PDE1A: variants seen among roughly 807,000 people sequenced by gnomAD.
PDE1A encodes phosphodiesterase 1A, also known as dual specificity calcium/calmodulin-dependent 3',5'-cyclic nucleotide phosphodiesterase 1A.
In PDE1A, 35 loss-of-function variants were observed where a neutral mutation model predicts 61.7. That is an observed-to-expected ratio of 0.57 (90% CI 0.43 to 0.75). The LOEUF is 0.75. Ranked by LOEUF, PDE1A falls within the 30% of genes least tolerant of loss-of-function variation. The pLI, the probability that PDE1A is intolerant of heterozygous loss-of-function variation, is 0.00. For synonymous variants in PDE1A, 232 were observed against 213.2 expected (o/e 1.09, Z -0.77); for missense variants, 597 against 630.6 (o/e 0.95, Z 0.57).
chr2:182,300,359 A>G (rs570169423), intron 1 of PDE1A, among the ~76,000 whole-genome samples: 1 of 152,298 alleles, frequency 6.6e-6, no homozygotes, highest in East Asian at 1.9e-4. Context: ...TGATGGAGCT[A>G]GAGTAAAACC....
At chr2:182,147,891 CAATT>C (rs1690578608) in intron 13 of PDE1A, among the ~76,000 whole-genome samples, 1 of 152,180 alleles carries the variant, frequency 6.6e-6, no homozygotes, top group Non-Finnish European at 1.5e-5. Flanking sequence ...GATATTCTAA[CAATT>C]AAACTTTGCC....
the PDE1A span, among the ~76,000 whole-genome samples, chr2:182,646,406 A>AC: frequency 6.6e-6 from 1 of 151,060 alleles, no homozygotes; most frequent in East Asian, 1.9e-4. Context: ...AAAAAAAAAA[A>AC]AAGCCATACG....
At chr2:182,495,602 A>T (rs937582926) in intron 2 of PDE1A, among the ~76,000 whole-genome samples, 1 of 152,182 alleles carries the variant, frequency 6.6e-6, no homozygotes, top group Non-Finnish European at 1.5e-5. Context: ...TAAAATATGG[A>T]CCTTTAACTT....
chr2:182,421,253 T>C (rs1703260000), intron 1 of PDE1A, among the ~76,000 whole-genome samples: 3 of 152,160 alleles, frequency 2.0e-5, no homozygotes, highest in Non-Finnish European at 1.5e-5. Flanking sequence ...TGAAAAGCCA[T>C]TTCTAAATCT....
the PDE1A span, among the ~76,000 whole-genome samples, chr2:182,530,454 A>G: frequency 6.6e-6 from 1 of 152,244 alleles, no homozygotes; most frequent in Non-Finnish European, 1.5e-5. Flanking sequence ...GGGTAAACCC[A>G]AAGAAATCCA....
chr2:182,618,085 A>T, the PDE1A span, among the ~76,000 whole-genome samples: 3 of 152,166 alleles, frequency 2.0e-5, no homozygotes. Context: ...TTAATGTTCT[A>T]ATGTCACGGA....
At chr2:182,252,517 TTCC>T (rs1197191092) in intron 2 of PDE1A, among the ~76,000 whole-genome samples, 8 of 13,426 alleles carry the variant, frequency 6.0e-4, no homozygotes, top group Non-Finnish European at 7.5e-4. Context: ...AGAGTAAAGT[TTCC>T]AGAGTAAAGT....
At chr2:182,417,500 G>C (rs1702993071) in intron 1 of PDE1A, among the ~76,000 whole-genome samples, 1 of 152,090 alleles carries the variant, frequency 6.6e-6, no homozygotes, top group Admixed American at 6.5e-5. Context: ...GAGAACTGTT[G>C]CTTTGAAGTT....
At chr2:182,641,641 C>T in the PDE1A span, among the ~76,000 whole-genome samples, 1 of 152,098 alleles carries the variant, frequency 6.6e-6, no homozygotes. Context: ...GTTCTGAGAA[C>T]GTTAGTCTTC....
rs1028160524 is a variant in PDE1A, at chr2:182,433,650, T to C, written c.101+88626A>G. ...TGGTCATACACATCAAAATGGAAGA[T>C]AGACAAATACATTATCACTATATAT... On this transcript the variant is annotated intron_variant, in intron 2 of 14. Coordinates refer to the PDE1A transcript ENST00000410103. Among the ~76,000 whole-genome samples, 5 of 152,086 alleles carry C rather than the reference T, an allele frequency of 3.3e-5. No individual in the cohort carries two copies. The East Asian group carries it at 7.7e-4, about 23-fold the overall frequency.
the PDE1A span, among the ~76,000 whole-genome samples, chr2:182,529,364 G>A: frequency 2.6e-5 from 4 of 152,090 alleles, no homozygotes; most frequent in Admixed American, 2.0e-4. Flanking sequence ...TTTTGTTTTG[G>A]CCAATTTCTC....
chr2:182,560,824 G>GCATTT, the PDE1A span, among the ~76,000 whole-genome samples: 1 of 152,128 alleles, frequency 6.6e-6, no homozygotes, highest in Non-Finnish European at 1.5e-5. Flanking sequence ...GTGATGGTGA[G>GCATTT]CATTTTTTCA....
intron 2 of PDE1A, among the ~76,000 whole-genome samples, chr2:182,478,736 G>C (rs541766116): frequency 2.0e-5 from 3 of 151,888 alleles, no homozygotes; most frequent in South Asian, 2.1e-4. Context: ...TCTTTTCTTA[G>C]TGTGTAAAAG....
chr2:182,710,744 T>C, the PDE1A span, among the ~76,000 whole-genome samples: 2 of 152,238 alleles, frequency 1.3e-5, no homozygotes, highest in Non-Finnish European at 2.9e-5. Context: ...ATTTTCTTTA[T>C]CTATTCATCT....
At chr2:182,466,639 G>C (rs772469408) in intron 2 of PDE1A, among the ~76,000 whole-genome samples, 8 of 152,000 alleles carry the variant, frequency 5.3e-5, no homozygotes, top group African/African-American at 1.7e-4. Flanking sequence ...TAGAATACTA[G>C]ACAGAGAGCT....
chr2:182,195,118 G>A (rs1642253980), intron 10 of PDE1A, among the ~76,000 whole-genome samples: 1 of 152,066 alleles, frequency 6.6e-6, no homozygotes, highest in South Asian at 2.1e-4. Context: ...CTTGATGATT[G>A]TGTTGGAAAT....
chr2:182,155,498 G>C (rs1370646984), intron 13 of PDE1A, among the ~76,000 whole-genome samples: 1 of 152,096 alleles, frequency 6.6e-6, no homozygotes, highest in African/African-American at 2.4e-5. Flanking sequence ...TATACATGTA[G>C]GATAAACATG....
intron 2 of PDE1A, among the ~76,000 whole-genome samples, chr2:182,486,292 G>C (rs915629712): frequency 1.3e-4 from 19 of 151,962 alleles, no homozygotes; most frequent in African/African-American, 4.3e-4. Flanking sequence ...ATATTACTGA[G>C]AGAAATTAAA....
At chr2:182,313,397 G>C (rs1390604424) in intron 1 of PDE1A, among the ~76,000 whole-genome samples, 1 of 152,122 alleles carries the variant, frequency 6.6e-6, no homozygotes, top group Non-Finnish European at 1.5e-5. Flanking sequence ...CTAGGTGACA[G>C]AGAAAGACTC....
Sources: gnomAD v4.1 joint callset for allele counts (sites outside exome capture counted in the v4.1 genomes callset) on GRCh38, gnomAD v4.1.1 for gene constraint, MANE v1.5 for transcripts, NCBI Gene and HGNC (gene_info 2026-07-23, HGNC 2026-07-21) for gene names.